OR6N1: variants seen among roughly 807,000 people sequenced by gnomAD.
The protein encoded by OR6N1 is olfactory receptor family 6 subfamily N member 1.
For synonymous variants in OR6N1, 170 were observed against 150.7 expected, an observed-to-expected ratio of 1.13 and a Z score of -0.94; for missense variants, 394 against 371.7, an observed-to-expected ratio of 1.06 and a Z score of -0.49.
chr1:158,832,055 AT>A, the OR6N1 span, among the ~76,000 whole-genome samples: 5 of 152,174 alleles, frequency 3.3e-5, no homozygotes, highest in Admixed American at 1.3e-4. Context: ...TAATCTTTAC[AT>A]TTTCATGAAT....
chr1:158,809,799 G>GA, the OR6N1 span, among the ~76,000 whole-genome samples: 2 of 152,070 alleles, frequency 1.3e-5, no homozygotes, highest in Admixed American at 6.5e-5. Context: ...ACTAGAAGAA[G>GA]AAAAAATGGA....
chr1:158,794,245 G>T, the OR6N1 span, among the ~76,000 whole-genome samples: 1 of 152,136 alleles, frequency 6.6e-6, no homozygotes, highest in Non-Finnish European at 1.5e-5. Flanking sequence ...CTTCACAAGC[G>T]TCAGGGCTGC....
At chr1:158,797,834 T>G in the OR6N1 span, among the ~76,000 whole-genome samples, 1 of 152,202 alleles carries the variant, frequency 6.6e-6, no homozygotes, top group Admixed American at 6.5e-5. Flanking sequence ...GTTTTAATTC[T>G]CAGAAGAATG....
the OR6N1 span, among the ~76,000 whole-genome samples, chr1:158,811,130 C>T: frequency 6.6e-6 from 1 of 152,138 alleles, no homozygotes; most frequent in African/African-American, 2.4e-5. Context: ...TGAGAACATG[C>T]AGTATTTGGT....
At chr1:158,770,581 A>G (rs1304585648) in intron 1 of OR6N1, among the ~76,000 whole-genome samples, 2 of 152,350 alleles carry the variant, frequency 1.3e-5, no homozygotes, top group East Asian at 3.9e-4. Context: ...AGTGGCCCCC[A>G]TAATTTTGGA....
the OR6N1 span, among the ~76,000 whole-genome samples, chr1:158,825,087 C>T: frequency 6.6e-6 from 1 of 152,144 alleles, no homozygotes; most frequent in African/African-American, 2.4e-5. Flanking sequence ...GGTCTAATAT[C>T]CAAAGTCTGT....
upstream of OR6N1, among the ~76,000 whole-genome samples, chr1:158,773,836 T>C (rs1657486871): frequency 6.6e-6 from 1 of 152,224 alleles, no homozygotes; most frequent in African/African-American, 2.4e-5. Flanking sequence ...TGTGTGTTTT[T>C]GTGTGTGTAT....
At chr1:158,804,603 T>C in the OR6N1 span, among the ~76,000 whole-genome samples, 1 of 152,186 alleles carries the variant, frequency 6.6e-6, no homozygotes, top group Non-Finnish European at 1.5e-5. Context: ...CTTACTAAAA[T>C]TTAGAAATAA....
At chr1:158,772,966 A>G (rs898885251), upstream of OR6N1, among the ~76,000 whole-genome samples, 1 of 152,216 alleles carries the variant, frequency 6.6e-6, no homozygotes, top group African/African-American at 2.4e-5. Context: ...TATTTGTCAG[A>G]TAAAAAATTT....
chr1:158,767,300 G>A (rs924724617), intron 1 of OR6N1, among the ~76,000 whole-genome samples: 1 of 152,082 alleles, frequency 6.6e-6, no homozygotes, highest in African/African-American at 2.4e-5. Context: ...ACTGGTGAGA[G>A]CTCCAGTCAA....
At chr1:158,790,407 T>C in the OR6N1 span, among the ~76,000 whole-genome samples, 1 of 150,414 alleles carries the variant, frequency 6.6e-6, no homozygotes, top group Non-Finnish European at 1.5e-5. Context: ...GGAATTTTTT[T>C]TTTTTTTTTT....
At chr1:158,820,142 G>A in the OR6N1 span, among the ~76,000 whole-genome samples, 1 of 152,236 alleles carries the variant, frequency 6.6e-6, no homozygotes, top group Non-Finnish European at 1.5e-5. Flanking sequence ...TTAAGGCACA[G>A]ATCACTCATG....
At chr1:158,839,018 C>G in the OR6N1 span, among the ~76,000 whole-genome samples, 5 of 152,166 alleles carry the variant, frequency 3.3e-5, no homozygotes, top group African/African-American at 1.2e-4. Flanking sequence ...TCCTTTAACT[C>G]ATTTATCATA....
chr1:158,823,904 T>A, the OR6N1 span, among the ~76,000 whole-genome samples: 1 of 152,208 alleles, frequency 6.6e-6, no homozygotes, highest in South Asian at 2.1e-4. Context: ...TTCTGATATG[T>A]TTTATCTTTG....
the OR6N1 span, among the ~76,000 whole-genome samples, chr1:158,832,515 A>C: frequency 2.0e-5 from 3 of 151,658 alleles, no homozygotes; most frequent in African/African-American, 7.2e-5. Context: ...TAGAATATGT[A>C]TATCTAAGTA....
chr1:158,780,703 C>G, the OR6N1 span, among the ~76,000 whole-genome samples: 3 of 152,152 alleles, frequency 2.0e-5, no homozygotes, highest in Non-Finnish European at 4.4e-5. Flanking sequence ...TGCTTTCATA[C>G]TGTTGTAAAG....
chr1:158,789,612 A>T, the OR6N1 span, among the ~76,000 whole-genome samples: 90 of 151,864 alleles, frequency 5.9e-4, no homozygotes, highest in Non-Finnish European at 9.7e-4. Flanking sequence ...TATTTCTATA[A>T]CTCCTAGCCA....
chr1:158,834,694 T>A, the OR6N1 span, among the ~76,000 whole-genome samples: 2 of 152,196 alleles, frequency 1.3e-5, no homozygotes, highest in African/African-American at 4.8e-5. Flanking sequence ...AAGAAACCCA[T>A]TGCCAAATCC....
At chr1:158,783,742 T>C in the OR6N1 span, among the ~76,000 whole-genome samples, 2 of 152,152 alleles carry the variant, frequency 1.3e-5, no homozygotes, top group African/African-American at 4.8e-5. Flanking sequence ...TTCAACACCA[T>C]CATTCAATTC....
Sources: allele counts gnomAD v4.1 joint callset (sites outside exome capture counted in the v4.1 genomes callset), GRCh38; gene constraint gnomAD v4.1.1; transcripts MANE v1.5; gene names NCBI Gene and HGNC (gene_info 2026-07-23, HGNC 2026-07-21).